The following MAF variants were observed in gnomAD, a reference collection of about 807,000 sequenced individuals.
The protein encoded by MAF is transcription factor Maf.
Under a neutral mutation model 22.0 loss-of-function variants are expected in MAF, and 10 were observed. The ratio of observed to expected loss-of-function variants is 0.45; its 90% confidence interval spans 0.28 to 0.77. The LOEUF is 0.77. MAF is among the 30% of genes least tolerant of loss of function. The pLI, the probability that MAF is intolerant of heterozygous loss-of-function variation, is 0.12. For missense variants in MAF, 544 were observed against 548.4 expected (o/e 0.99, Z 0.08); for synonymous variants, 337 against 255.8 (o/e 1.32, Z -3.03).
At chr16:79,458,109 AGTGTGTGTGTGT>A in the MAF span, among the ~76,000 whole-genome samples, 16 of 136,428 alleles carry the variant, frequency 1.2e-4, no homozygotes, top group East Asian at 4.4e-4. Flanking sequence ...GGTATGTATA[AGTGTGTGTGTGT>A]GTGTGTGTGT....
the MAF span, among the ~76,000 whole-genome samples, chr16:79,367,185 TCTC>T: frequency 2.0e-4 from 31 of 152,292 alleles, no homozygotes; most frequent in Non-Finnish European, 2.9e-4. Context: ...TTGAGACAGT[TCTC>T]CTCTTTCTGT....
At chr16:79,364,462 C>T in the MAF span, among the ~76,000 whole-genome samples, 1 of 152,186 alleles carries the variant, frequency 6.6e-6, no homozygotes, top group African/African-American at 2.4e-5. Context: ...GTGTCATCCA[C>T]TGGAACCTGG....
the MAF span, among the ~76,000 whole-genome samples, chr16:79,428,392 C>T: frequency 3.9e-5 from 6 of 152,352 alleles, no homozygotes; most frequent in East Asian, 1.2e-3. Flanking sequence ...CCCACCTCAA[C>T]ACCCAGCTGT....
At chr16:79,422,431 G>C in the MAF span, among the ~76,000 whole-genome samples, 1 of 152,178 alleles carries the variant, frequency 6.6e-6, no homozygotes, top group Non-Finnish European at 1.5e-5. Flanking sequence ...GGGGACCCCA[G>C]AGTCTTGGGT....
the MAF span, among the ~76,000 whole-genome samples, chr16:79,422,237 T>A: frequency 6.6e-6 from 1 of 152,246 alleles, no homozygotes; most frequent in Non-Finnish European, 1.5e-5. Context: ...AAGAACCTTA[T>A]TCAGCATATT....
chr16:79,553,791 T>G, the MAF span, among the ~76,000 whole-genome samples: 2 of 152,112 alleles, frequency 1.3e-5, no homozygotes, highest in African/African-American at 4.8e-5. Context: ...CATCACTACT[T>G]AAAAATAACC....
the MAF span, among the ~76,000 whole-genome samples, chr16:79,512,969 A>G: frequency 6.6e-6 from 1 of 152,234 alleles, no homozygotes; most frequent in African/African-American, 2.4e-5. Context: ...TTGCAACACA[A>G]AGGTGCTGAC....
chr16:79,418,931 A>G, the MAF span, among the ~76,000 whole-genome samples: 1 of 152,192 alleles, frequency 6.6e-6, no homozygotes, highest in South Asian at 2.1e-4. Context: ...TAATAAAAGA[A>G]CAGCCTGTGG....
At chr16:79,466,323 T>C in the MAF span, among the ~76,000 whole-genome samples, 1 of 152,172 alleles carries the variant, frequency 6.6e-6, no homozygotes, top group East Asian at 1.9e-4. Flanking sequence ...GGATGACTCA[T>C]GGGTTTAAAT....
chr16:79,478,935 AC>A, the MAF span, among the ~76,000 whole-genome samples: 2 of 151,734 alleles, frequency 1.3e-5, no homozygotes, highest in African/African-American at 4.9e-5. Context: ...CCTGTGTACC[AC>A]CCCAGCACAC....
the MAF span, among the ~76,000 whole-genome samples, chr16:79,412,789 G>C: frequency 6.6e-6 from 1 of 152,202 alleles, no homozygotes; most frequent in Non-Finnish European, 1.5e-5. Context: ...ACAGAGGAAA[G>C]ACAACCCTCC....
the MAF span, among the ~76,000 whole-genome samples, chr16:79,359,388 G>T: frequency 6.6e-6 from 1 of 152,182 alleles, no homozygotes; most frequent in Non-Finnish European, 1.5e-5. Flanking sequence ...TCTCTGATGG[G>T]ATGCCAGTAT....
At chr16:79,504,864 T>C in the MAF span, among the ~76,000 whole-genome samples, 1 of 152,318 alleles carries the variant, frequency 6.6e-6, no homozygotes, top group Non-Finnish European at 1.5e-5. Context: ...AGACTATGAC[T>C]TGTATGAATG....
At chr16:79,390,437 T>C in the MAF span, among the ~76,000 whole-genome samples, 1 of 152,338 alleles carries the variant, frequency 6.6e-6, no homozygotes, top group East Asian at 1.9e-4. Context: ...GTTATTAACA[T>C]GTCTCTCTCT....
At chr16:79,278,260 A>C in the MAF span, among the ~76,000 whole-genome samples, 1 of 152,234 alleles carries the variant, frequency 6.6e-6, no homozygotes, top group African/African-American at 2.4e-5. Context: ...TTCAAGGGGA[A>C]AGTGAATCTT....
chr16:79,420,757 C>T, the MAF span, among the ~76,000 whole-genome samples: 1 of 152,214 alleles, frequency 6.6e-6, no homozygotes, highest in Admixed American at 6.5e-5. Context: ...AGGCTTGACG[C>T]GGTGGCTCAT....
the MAF span, among the ~76,000 whole-genome samples, chr16:79,501,165 G>A: frequency 6.6e-6 from 1 of 152,142 alleles, no homozygotes; most frequent in Non-Finnish European, 1.5e-5. Context: ...ATCTGTCCTA[G>A]CTTCTGGTGA....
At chr16:79,494,798 A>G in the MAF span, among the ~76,000 whole-genome samples, 1 of 152,192 alleles carries the variant, frequency 6.6e-6, no homozygotes, top group African/African-American at 2.4e-5. Flanking sequence ...CATTTCAGAC[A>G]TCAGTCATAA....
the MAF span, among the ~76,000 whole-genome samples, chr16:79,292,435 C>T: frequency 5.9e-5 from 9 of 152,158 alleles, no homozygotes; most frequent in Non-Finnish European, 1.3e-4. Flanking sequence ...CCTGCCAACA[C>T]CTTACTATTC....
Sources: allele counts gnomAD v4.1 joint callset (sites outside exome capture counted in the v4.1 genomes callset), GRCh38; gene constraint gnomAD v4.1.1; transcripts MANE v1.5; gene names NCBI Gene and HGNC (gene_info 2026-07-23, HGNC 2026-07-21).